Variants in GPHN observed in about 807,000 individuals in gnomAD.
GPHN encodes the protein gephyrin.
Under a neutral mutation model 95.5 loss-of-function variants are expected in GPHN, and 17 were observed. The observed-to-expected ratio is 0.18, with a 90% CI of 0.12 to 0.27. The LOEUF (loss-of-function observed/expected upper bound fraction) is 0.27, where lower values mean the gene tolerates loss of function less well. GPHN is among the 10% of genes least tolerant of loss of function. The pLI, the probability that GPHN is intolerant of heterozygous loss-of-function variation, is 1.00. For synonymous variants in GPHN, 320 were observed against 322.5 expected, an observed-to-expected ratio of 0.99 and a Z score of 0.08; for missense variants, 660 against 978.1, an observed-to-expected ratio of 0.67 and a Z score of 4.34.
chr14:66,562,954 C>A (rs1014490027), intron 1 of GPHN, among the ~76,000 whole-genome samples: 2 of 151,726 alleles, frequency 1.3e-5, no homozygotes, highest in African/African-American at 4.8e-5. Flanking sequence ...GCGAAAGTGG[C>A]GTATTTTGGG....
At chr14:67,516,990 A>G in the GPHN span, among the ~76,000 whole-genome samples, 1 of 152,248 alleles carries the variant, frequency 6.6e-6, no homozygotes, top group Admixed American at 6.5e-5. Flanking sequence ...GACATCATGC[A>G]TATAATATTC....
In GPHN at chr14:66,524,989, T is replaced by C. The variant is rs142730243; in HGVS notation, c.64+16398T>C. ...TGCATGTGTCTTTACAGTAGAATGA[T>C]TTATAATCCTTTGGGTATATACTCA... On this transcript the variant is annotated intron_variant, in intron 1 of 22. Coordinates refer to ENST00000478722, the MANE Select transcript of GPHN (RefSeq NM_020806.5). Among the ~76,000 whole-genome samples the C allele has an allele frequency of 7.0e-4, 106 of 152,300 alleles. 2 individuals are homozygous for C. The East Asian group carries it at 0.02, about 29-fold the overall frequency.
At chr14:67,005,142 T>C (rs2072513071) in intron 9 of GPHN, among the ~76,000 whole-genome samples, 1 of 151,644 alleles carries the variant, frequency 6.6e-6, no homozygotes, top group Non-Finnish European at 1.5e-5. Context: ...TTGAGTCTTA[T>C]GGAATCCATT....
chr14:67,200,353 C>T, the GPHN span: 4 of 639,224 alleles, frequency 6.3e-6, no homozygotes, highest in Non-Finnish European at 8.4e-6. Context: ...CCTCCTATTA[C>T]ATCTTCCCAA....
intron 1 of GPHN, among the ~76,000 whole-genome samples, chr14:66,542,908 G>A (rs2059405720): frequency 6.6e-6 from 1 of 152,176 alleles, no homozygotes; most frequent in African/African-American, 2.4e-5. Flanking sequence ...AAAGAAAAGA[G>A]GTTTAATTGG....
At chr14:67,129,767 A>G (rs1465334434) in intron 17 of GPHN, among the ~76,000 whole-genome samples, 2 of 132,102 alleles carry the variant, frequency 1.5e-5, no homozygotes, top group South Asian at 2.4e-4. Flanking sequence ...AGAAAGAAAG[A>G]AAGAAAGAGA....
intron 8 of GPHN, among the ~76,000 whole-genome samples, chr14:66,954,919 CTTCTT>C (rs1294174298): frequency 1.3e-5 from 2 of 152,112 alleles, no homozygotes; most frequent in East Asian, 3.8e-4. Context: ...ATTTCACTGA[CTTCTT>C]ATCTTATGGT....
chr14:66,674,162 G>C (rs368050192), intron 1 of GPHN, among the ~76,000 whole-genome samples: 2 of 150,550 alleles, frequency 1.3e-5, no homozygotes, highest in East Asian at 3.9e-4. Flanking sequence ...GCAGTGGTGC[G>C]ATCTCGGCTC....
chr14:66,885,516 G>A (rs1303819231), intron 5 of GPHN, among the ~76,000 whole-genome samples: 2 of 152,034 alleles, frequency 1.3e-5, no homozygotes, highest in African/African-American at 4.8e-5. Context: ...CAAATATTGG[G>A]GATCCAGGTT....
the GPHN span, chr14:67,301,519 T>G: frequency 7.3e-7 from 1 of 1,373,268 alleles, no homozygotes; most frequent in Non-Finnish European, 1.0e-6. Context: ...TTCTTCTATT[T>G]TTTTAAATCA....
At chr14:67,556,300 G>A in the GPHN span, among the ~76,000 whole-genome samples, 1 of 152,296 alleles carries the variant, frequency 6.6e-6, no homozygotes, top group Admixed American at 6.5e-5. Flanking sequence ...AGGAAAGAAA[G>A]CTGGATGTAT....
chr14:67,089,117 T>TTTTTTTTC (rs750519899), intron 12 of GPHN, 42 bp downstream of exon 12: 11 of 733,410 alleles, frequency 1.5e-5, no homozygotes, highest in Non-Finnish European at 2.4e-5. Flanking sequence ...GGCACTGTAT[T>TTTTTTTTC]TTTTTTTCTT....
intron 2 of GPHN, among the ~76,000 whole-genome samples, chr14:66,701,109 T>C (rs1184867874): frequency 1.3e-5 from 2 of 152,202 alleles, no homozygotes; most frequent in South Asian, 2.1e-4. Context: ...CATGCGCACA[T>C]GTGCACACAC....
intron 1 of GPHN, among the ~76,000 whole-genome samples, chr14:66,575,279 G>A (rs1021726528): frequency 1.3e-5 from 2 of 152,052 alleles, no homozygotes; most frequent in African/African-American, 4.8e-5. Flanking sequence ...TAGCCTGCGA[G>A]GTTTCTGCTG....
intron 1 of GPHN, among the ~76,000 whole-genome samples, chr14:66,548,007 G>T (rs918810605): frequency 6.6e-6 from 1 of 151,662 alleles, no homozygotes; most frequent in South Asian, 2.1e-4. Flanking sequence ...TTGAAGGTTT[G>T]TGGCAACCTT....
At chr14:66,755,669 G>A (rs967196336) in intron 2 of GPHN, among the ~76,000 whole-genome samples, 11 of 151,726 alleles carry the variant, frequency 7.2e-5, no homozygotes, top group Non-Finnish European at 1.2e-4. Context: ...TTAAAATTTC[G>A]TAAAAATTCC....
chr14:67,662,919 AAAG>A, the GPHN span: 1 of 1,279,984 alleles, frequency 7.8e-7, no homozygotes, highest in Non-Finnish European at 9.8e-7. Flanking sequence ...AAAAAAAAAA[AAAG>A]AATGTTTACC....
the GPHN span, among the ~76,000 whole-genome samples, chr14:67,444,249 G>A: frequency 6.6e-6 from 1 of 152,080 alleles, no homozygotes; most frequent in South Asian, 2.1e-4. Context: ...CTGTGTCATG[G>A]GCATGCATCC....
chr14:66,862,028 A>G (rs2063043972), intron 4 of GPHN, among the ~76,000 whole-genome samples: 1 of 152,072 alleles, frequency 6.6e-6, no homozygotes, highest in Non-Finnish European at 1.5e-5. Flanking sequence ...AAGGAAATAC[A>G]AAAAGATCAA....
Sources: allele counts gnomAD v4.1 joint callset (sites outside exome capture counted in the v4.1 genomes callset), GRCh38; gene constraint gnomAD v4.1.1; transcripts MANE v1.5; gene names NCBI Gene and HGNC (gene_info 2026-07-23, HGNC 2026-07-21).